DMD: variants seen among roughly 807,000 people sequenced by gnomAD.
DMD encodes dystrophin, also known as mutant dystrophin.
In DMD, 63 loss-of-function variants were observed where a neutral mutation model predicts 330.1. The observed-to-expected ratio is 0.19, with a 90% confidence interval of 0.16 to 0.24. The LOEUF (loss-of-function observed/expected upper bound fraction) is 0.24, where lower values mean the gene tolerates loss of function less well. Ranked by LOEUF, DMD falls within the 10% of genes least tolerant of loss-of-function variation. DMD has a pLI of 1.00. For synonymous variants in DMD, 1,223 were observed against 959.8 expected (o/e 1.27, Z -5.07); for missense variants, 3,344 against 2,684.1 (o/e 1.25, Z -5.43).
rs185356723 is a variant in DMD, at chrX:32,103,471, C to A, written c.6438+113445G>T. Among the ~76,000 whole-genome samples the A allele has an allele frequency of 2.7e-5, 3 of 111,686 alleles. No individual in the cohort carries two copies. In the Admixed American group the frequency reaches 2.9e-4, roughly 11 times the overall value. ...TGGCCTCTCCTGAAGCTATGTCTTACACTCCTTCTGATGACATTTCAATTA... is the reference window on the plus strand; with the variant it reads ...TGGCCTCTCCTGAAGCTATGTCTTAAACTCCTTCTGATGACATTTCAATTA... On this transcript the variant is annotated intron_variant, in intron 44 of 78. Coordinates refer to ENST00000357033, the MANE Select transcript of DMD (RefSeq NM_004006.3).
At chrX:32,005,635 A>T (rs777489922) in intron 44 of DMD, among the ~76,000 whole-genome samples, 16 of 110,829 alleles carry the variant, frequency 1.4e-4, no homozygotes, top group Non-Finnish European at 2.5e-4. Context: ...GATGGGGGAG[A>T]TTGGTGAAAG....
At chrX:31,391,686 C>A (rs768559266) in intron 60 of DMD, among the ~76,000 whole-genome samples, 1 of 109,548 alleles carries the variant, frequency 9.1e-6, no homozygotes. Context: ...GCATGATCAA[C>A]ATGGTGAAAC....
At chrX:32,721,455 G>GAT (rs1426233099) in intron 7 of DMD, among the ~76,000 whole-genome samples, 2 of 109,247 alleles carry the variant, frequency 1.8e-5, no homozygotes, top group African/African-American at 6.7e-5. Flanking sequence ...CCCTAATAGT[G>GAT]ATATTGAGCA....
chrX:31,481,347 A>C (rs1213559567), intron 57 of DMD, among the ~76,000 whole-genome samples: 1 of 111,980 alleles, frequency 8.9e-6, no homozygotes, highest in African/African-American at 3.2e-5. Flanking sequence ...GTATTTGAGA[A>C]GAACAGAAAT....
chrX:31,721,154 T>TA (rs1172289274), intron 52 of DMD, among the ~76,000 whole-genome samples: 4 of 111,484 alleles, frequency 3.6e-5, no homozygotes, highest in Admixed American at 9.6e-5. Context: ...TAGGTACTAC[T>TA]AAAAAAATAA....
chrX:32,205,035 A>ACACACCCC (rs778728973), intron 44 of DMD, among the ~76,000 whole-genome samples: 3 of 86,447 alleles, frequency 3.5e-5, no homozygotes, highest in South Asian at 6.0e-4. Flanking sequence ...ACACACACAC[A>ACACACCCC]CACACACCCA....
At chrX:32,291,344 A>C (rs1451974005) in intron 42 of DMD, among the ~76,000 whole-genome samples, 1 of 112,262 alleles carries the variant, frequency 8.9e-6, no homozygotes, top group African/African-American at 3.2e-5. Context: ...GATTATTCTG[A>C]AACAAACTGA....
chrX:31,389,655 A>T (rs145518225), intron 60 of DMD, among the ~76,000 whole-genome samples: 1 of 112,579 alleles, frequency 8.9e-6, no homozygotes, highest in African/African-American at 3.2e-5. Flanking sequence ...TGAGGGTTAA[A>T]TGGAATAGAC....
At chrX:33,070,673 C>CTCTCTCTCTCTCTATA (rs1192910156) in intron 1 of DMD, among the ~76,000 whole-genome samples, 2 of 35,656 alleles carry the variant, frequency 5.6e-5, no homozygotes, top group Non-Finnish European at 8.9e-5. Context: ...CTCTCTCTCT[C>CTCTCTCTCTCTCTATA]TATATATATA....
intron 2 of DMD, among the ~76,000 whole-genome samples, chrX:32,989,553 A>T (rs1453495748): frequency 3.6e-5 from 4 of 112,153 alleles, no homozygotes; most frequent in African/African-American, 1.3e-4. Context: ...CACGAAAAGA[A>T]TGAAGACAAA....
chrX:32,951,163 C>T (rs12014059), intron 2 of DMD, among the ~76,000 whole-genome samples: 7,730 of 111,177 alleles, frequency 0.07, 227 homozygotes, highest in African/African-American at 0.11. Flanking sequence ...GTGAGCATTT[C>T]AACTTCTGAT....
intron 44 of DMD, among the ~76,000 whole-genome samples, chrX:32,027,947 A>C (rs1188221301): frequency 8.9e-6 from 1 of 112,203 alleles, no homozygotes; most frequent in Non-Finnish European, 1.9e-5. Flanking sequence ...TCTTTAAGCA[A>C]GGGAGTTATA....
At chrX:32,337,669 T>A (rs2097722283) in intron 41 of DMD, among the ~76,000 whole-genome samples, 1 of 110,774 alleles carries the variant, frequency 9.0e-6, no homozygotes, top group Admixed American at 9.8e-5. Flanking sequence ...TTATCTCGAA[T>A]AAGTCTTGTT....
chrX:33,297,741 A>T (rs751339162), intron 1 of DMD, among the ~76,000 whole-genome samples: 1 of 111,433 alleles, frequency 9.0e-6, no homozygotes, highest in African/African-American at 3.2e-5. Context: ...ATGAAAGACA[A>T]ATGTTGCATG....
chrX:31,525,248 T>G (rs5927765), intron 55 of DMD, among the ~76,000 whole-genome samples: 16,822 of 111,307 alleles, frequency 0.15, 1,022 homozygotes, highest in Middle Eastern at 0.23. Flanking sequence ...CTGAAGCATT[T>G]AAAAGAGGAC....
chrX:32,027,069 G>C (rs902510791), intron 44 of DMD, among the ~76,000 whole-genome samples: 4 of 109,689 alleles, frequency 3.6e-5, no homozygotes, highest in African/African-American at 1.3e-4. Context: ...CTATGAAAGA[G>C]GGACCACGAA....
intron 1 of DMD, among the ~76,000 whole-genome samples, chrX:33,255,467 G>A (rs2052841732): frequency 9.0e-6 from 1 of 110,897 alleles, no homozygotes; most frequent in Non-Finnish European, 1.9e-5. Context: ...AGTCAAACTT[G>A]ACCATATAAA....
At chrX:31,216,165 C>T (rs1329239082) in intron 64 of DMD, among the ~76,000 whole-genome samples, 1 of 112,317 alleles carries the variant, frequency 8.9e-6, no homozygotes, top group African/African-American at 3.2e-5. Context: ...ACGAGAAAGA[C>T]TTCCTAGTGC....
chrX:32,221,290 C>G (rs2097131033), intron 43 of DMD, among the ~76,000 whole-genome samples: 1 of 110,551 alleles, frequency 9.0e-6, no homozygotes, highest in Admixed American at 9.7e-5. Context: ...CATATTTCAT[C>G]TTTGATTAGG....
Sources: gnomAD v4.1 joint callset for allele counts (sites outside exome capture counted in the v4.1 genomes callset) on GRCh38, gnomAD v4.1.1 for gene constraint, MANE v1.5 for transcripts, NCBI Gene and HGNC (gene_info 2026-07-23, HGNC 2026-07-21) for gene names.